Variants in DPH6 observed in about 807,000 individuals in gnomAD.
DPH6 encodes the protein diphthamine biosynthesis 6.
A neutral mutation model predicts 38.2 loss-of-function variants in DPH6; 33 were observed. The ratio of observed to expected loss-of-function variants is 0.86; its 90% CI spans 0.65 to 1.15. The LOEUF (loss-of-function observed/expected upper bound fraction) is 1.15, where lower values mean the gene tolerates loss of function less well. Among genes scored for constraint, DPH6 ranks in the 50% most tolerant of loss-of-function variants. The pLI, the probability that DPH6 is intolerant of heterozygous loss-of-function variation, is 0.00. For synonymous variants in DPH6, 108 were observed against 103.0 expected, an observed-to-expected ratio of 1.05 and a Z score of -0.30; for missense variants, 325 against 320.0, an observed-to-expected ratio of 1.02 and a Z score of -0.12.
At chr15:35,519,474 C>A (rs1251135064) in intron 3 of DPH6, 2 of 151,902 alleles carry the variant, frequency 1.3e-5, no homozygotes, top group African/African-American at 4.8e-5. Context: ...TCAAATTACT[C>A]TGATGAACGT....
At position 35,248,867 on chromosome 15, in the gene DPH6, C is replaced by A. The variant is rs142724547; in HGVS notation, n.201-28285G>T. ...TAGAATTTTACCCAATCTAGAGGAG[C>A]TATGGAAATCATTCCCAGTAATGGT... On this transcript the variant is annotated intron_variant and non_coding_transcript_variant, in intron 3 of 3. Coordinates refer to the DPH6 transcript ENST00000560386. 3.1e-3 allele frequency among the ~76,000 whole-genome samples: 471 copies of A among 152,236 alleles called. 1 individual carries two copies. The highest frequency in any genetic ancestry group is 0.011 in the African/African-American group (447 of 41,536).
At chr15:35,424,214 G>A (rs909284014) in intron 5 of DPH6, among the ~76,000 whole-genome samples, 9 of 151,328 alleles carry the variant, frequency 5.9e-5, no homozygotes, top group African/African-American at 1.7e-4. Flanking sequence ...TTCCATTAAT[G>A]TTTGACTTTT....
intron 3 of DPH6, among the ~76,000 whole-genome samples, chr15:35,503,800 C>A (rs1456449558): frequency 6.6e-6 from 1 of 152,094 alleles, no homozygotes; most frequent in Non-Finnish European, 1.5e-5. Flanking sequence ...CTATTTTAAT[C>A]TCCATTTTAT....
chr15:35,181,581 A>C, the DPH6 span, among the ~76,000 whole-genome samples: 2 of 152,080 alleles, frequency 1.3e-5, no homozygotes, highest in Admixed American at 1.3e-4. Flanking sequence ...ATAATATTGC[A>C]GTGAGTAATG....
chr15:35,172,883 T>C, the DPH6 span, among the ~76,000 whole-genome samples: 1 of 152,012 alleles, frequency 6.6e-6, no homozygotes, highest in East Asian at 1.9e-4. Flanking sequence ...AAGATTTTTA[T>C]AATAAAAGTG....
At position 35,412,600 on chromosome 15, in the gene DPH6, A is replaced by G. The variant is rs373888664; in HGVS notation, c.506-1704T>C. Among the ~76,000 whole-genome samples, 162 of 151,876 alleles carry G rather than the reference A, an allele frequency of 1.1e-3. 2 individuals are homozygous for G. In the South Asian group the frequency reaches 0.033, roughly 31 times the overall value. Reference sequence around the variant, plus strand: ...CAAAATGTATTTCAGTAGGTGAACGACTAAGTAAATTGTGTATATCCAGAC... The same window carrying G: ...CAAAATGTATTTCAGTAGGTGAACGGCTAAGTAAATTGTGTATATCCAGAC... On this transcript the variant is annotated intron_variant, in intron 5 of 8. Coordinates refer to ENST00000256538, the MANE Select transcript of DPH6 (RefSeq NM_080650.4).
intron 3 of DPH6, among the ~76,000 whole-genome samples, chr15:35,535,327 C>T (rs1056947520): frequency 1.3e-5 from 2 of 151,986 alleles, no homozygotes; most frequent in Non-Finnish European, 2.9e-5. Context: ...AATTTAAAGT[C>T]CTAAATTCAA....
At chr15:35,261,704 A>G (rs1482408566) in intron 3 of DPH6, among the ~76,000 whole-genome samples, 1 of 151,994 alleles carries the variant, frequency 6.6e-6, no homozygotes, top group Non-Finnish European at 1.5e-5. Context: ...GTGGTGGCGT[A>G]TGCTTGTAGT....
chr15:35,199,892 T>A, the DPH6 span, among the ~76,000 whole-genome samples: 1 of 151,834 alleles, frequency 6.6e-6, no homozygotes, highest in Non-Finnish European at 1.5e-5. Flanking sequence ...TTAGAGAGCA[T>A]CCAAAATTGT....
At chr15:35,544,872 T>A (rs1335319158) in intron 1 of DPH6, among the ~76,000 whole-genome samples, 1 of 152,282 alleles carries the variant, frequency 6.6e-6, no homozygotes, top group Non-Finnish European at 1.5e-5. Flanking sequence ...TGGCAAGCGA[T>A]GTAAATTTGA....
At chr15:35,147,152 C>T in the DPH6 span, among the ~76,000 whole-genome samples, 32 of 152,168 alleles carry the variant, frequency 2.1e-4, no homozygotes, top group African/African-American at 7.7e-4. Flanking sequence ...TCATTTATTC[C>T]TCTAACAATC....
chr15:35,275,809 A>T (rs2051854368), intron 3 of DPH6, among the ~76,000 whole-genome samples: 1 of 151,874 alleles, frequency 6.6e-6, no homozygotes, highest in African/African-American at 2.4e-5. Context: ...GTTGTATTCC[A>T]TCATAGATAT....
At chr15:35,470,588 C>T (rs1420676555) in intron 3 of DPH6, among the ~76,000 whole-genome samples, 1 of 152,160 alleles carries the variant, frequency 6.6e-6, no homozygotes, top group Non-Finnish European at 1.5e-5. Flanking sequence ...CACGTTTGCT[C>T]CTAAGTCAAA....
chr15:35,485,809 G>A (rs551968987), intron 3 of DPH6, among the ~76,000 whole-genome samples: 1 of 152,278 alleles, frequency 6.6e-6, no homozygotes, highest in African/African-American at 2.4e-5. Context: ...TTGGATTATG[G>A]TGATATGATG....
intron 3 of DPH6, among the ~76,000 whole-genome samples, chr15:35,361,148 C>T (rs2052610931): frequency 2.0e-5 from 3 of 152,118 alleles, no homozygotes; most frequent in Admixed American, 2.0e-4. Context: ...TGACATGCAG[C>T]TGAGGCCACT....
At chr15:35,207,038 C>CTTTTTTTTT in the DPH6 span, among the ~76,000 whole-genome samples, 1 of 74,068 alleles carries the variant, frequency 1.4e-5, no homozygotes, top group Non-Finnish European at 2.4e-5. Context: ...TTTAGTAAAG[C>CTTTTTTTTT]TTTTTTTTTT....
chr15:35,371,670 G>T lies in DPH6; in HGVS notation c.*480C>A, dbSNP rs899787685. The T allele has an allele frequency of 3.0e-6, 3 of 985,368 alleles. No individual in the cohort carries two copies. Among genetic ancestry groups the T allele is most frequent in the African/African-American group, 3.5e-5 (2 of 57,192 alleles). 61.0% of individuals were successfully genotyped at this position (985,368 alleles called of 1,614,324 possible). On this transcript the variant is annotated 3_prime_UTR_variant, in exon 9 of 9. Coordinates refer to ENST00000256538, the MANE Select transcript of DPH6 (RefSeq NM_080650.4). ...AATAACGTTGAAACACTTCAACCAT[G>T]AATATATTTAAAATAAAAATGATAA...
chr15:35,168,251 T>C, the DPH6 span, among the ~76,000 whole-genome samples: 1 of 152,146 alleles, frequency 6.6e-6, no homozygotes, highest in East Asian at 1.9e-4. Flanking sequence ...TTCCAGTGTT[T>C]ACACCTGGAA....
intron 3 of DPH6, among the ~76,000 whole-genome samples, chr15:35,513,102 T>C (rs1486258456): frequency 6.6e-6 from 1 of 152,072 alleles, no homozygotes; most frequent in Admixed American, 6.5e-5. Context: ...AAAAAAGCAA[T>C]GTACAAAGTA....
Sources: allele counts gnomAD v4.1 joint callset (sites outside exome capture counted in the v4.1 genomes callset), GRCh38; gene constraint gnomAD v4.1.1; transcripts MANE v1.5; gene names NCBI Gene and HGNC (gene_info 2026-07-23, HGNC 2026-07-21).